Variants in NPVF observed in about 807,000 individuals in gnomAD.
NPVF encodes the protein pro-FMRFamide-related neuropeptide VF.
A neutral mutation model predicts 15.7 loss-of-function variants in NPVF; 17 were observed. That is an observed-to-expected ratio of 1.08 (90% CI 0.74 to 1.62). The LOEUF (loss-of-function observed/expected upper bound fraction) is 1.62, where lower values mean the gene tolerates loss of function less well. Among genes scored for constraint, NPVF ranks in the 40% most tolerant of loss-of-function variants. NPVF has a pLI of 0.00. For synonymous variants in NPVF, 70 were observed against 80.1 expected, an observed-to-expected ratio of 0.87 and a Z score of 0.67; for missense variants, 270 against 225.2, an observed-to-expected ratio of 1.20 and a Z score of -1.27.
chr7:25,226,057 C>T (rs984835032), intron 2 of NPVF, among the ~76,000 whole-genome samples: 4 of 152,086 alleles, frequency 2.6e-5, no homozygotes, highest in East Asian at 1.9e-4. Context: ...TTTAAGCATA[C>T]GCTCTCTACT....
chr7:25,226,751 TTTGGCTG>T lies in NPVF; in HGVS notation c.407_413del (p.Thr136LysfsTer7). The T allele has an allele frequency of 6.2e-7, 1 of 1,614,172 alleles. No individual in the cohort carries two copies. The highest frequency in any genetic ancestry group is 8.5e-7 in the Non-Finnish European group (1 of 1,180,028). On this transcript the variant is annotated frameshift_variant, in exon 2 of 3. Coordinates refer to ENST00000222674, the MANE Select transcript of NPVF (RefSeq NM_022150.3). LOFTEE classifies it high-confidence loss of function. Reference sequence around the variant, plus strand: ...AATCACTCAGCATCCTGCAGACACTTTTGGCTGTTGTTGTTCTCCCAAACCTTTGGGG... The same window carrying T: ...AATCACTCAGCATCCTGCAGACACTTTTGTTGTTCTCCCAAACCTTTGGGG...
At chr7:25,227,722 T>C (rs1352065902) in intron 1 of NPVF, among the ~76,000 whole-genome samples, 2 of 152,252 alleles carry the variant, frequency 1.3e-5, no homozygotes, top group Non-Finnish European at 2.9e-5. Context: ...ATTTAGTCTT[T>C]ACCATAGGAG....
Position 25,226,643 on chromosome 7 carries a change from GGGATTCT to G in NPVF, c.515_521del (p.Gln172ProfsTer14), listed in dbSNP as rs1324869098. ...GTATTTACCTTGACTGTTTTTGATC[GGGATTCT>G]GGATTTCTTGGTGCTGGCAGGTCAT... On this transcript the variant is annotated frameshift_variant, in exon 2 of 3. Transcript: ENST00000222674. LOFTEE classifies it high-confidence loss of function. The G allele has an allele frequency of 6.2e-7, 1 of 1,613,340 alleles. No homozygotes were observed. Among genetic ancestry groups the G allele is most frequent in the Non-Finnish European group, 8.5e-7 (1 of 1,179,516 alleles).
In NPVF at chr7:25,226,833, C is replaced by G; in HGVS notation, c.332G>C (p.Arg111Thr). Residue 111 changes from arginine (R) to threonine (T), a missense_variant, in exon 2 of 3, where the codon AGA (arginine) becomes ACA (threonine). By Grantham distance (71) the Arg-to-Thr change is moderately conservative. Transcript: ENST00000222674. The stretch of plus-strand genomic sequence containing the variant: ...GCTCACCTCCATATTTCTTCCAGAT[C>G]TCAGAGGCAGGTTGGCTGTTGCTCC... ...SAGATANLPLRSGRNMEVSLV... is the reference protein window; with the variant it reads ...SAGATANLPLTSGRNMEVSLV... 2.5e-6 allele frequency: 4 copies of G among 1,614,192 alleles called. No individual in the cohort carries two copies. The highest frequency in any genetic ancestry group is 3.4e-6 in the Non-Finnish European group (4 of 1,180,030).
Position 25,227,015 on chromosome 7 carries a change from G to T in NPVF, c.150C>A (p.Tyr50Ter), listed in dbSNP as rs1481106091. 1.2e-6 allele frequency: 2 copies of T among 1,612,300 alleles called. No homozygotes were observed. Among genetic ancestry groups the T allele is most frequent in the South Asian group, 1.1e-5 (1 of 90,878 alleles). Residue 50 changes from tyrosine (Y) to a stop codon, truncating the protein, a stop_gained, in exon 2 of 3, where the codon TAC (tyrosine) becomes TAA (stop). Transcript: ENST00000222674. LOFTEE classifies it high-confidence loss of function. ...NYDKYSEPRG[Y>*]PKGERSLNFE... is the part of the protein sequence containing the mutation. Reference sequence around the variant, plus strand: ...AATTGAGGCTTCTTTCCCCTTTTGGGTATCCTCTAGGCTATAATTAGAAAT... The same window carrying T: ...AATTGAGGCTTCTTTCCCCTTTTGGTTATCCTCTAGGCTATAATTAGAAAT...
intron 1 of NPVF, among the ~76,000 whole-genome samples, chr7:25,228,071 A>G (rs894573643): frequency 5.3e-5 from 8 of 152,224 alleles, no homozygotes; most frequent in South Asian, 2.1e-4. Context: ...AATGCGCTGT[A>G]TGCTTGCTAA....
intron 1 of NPVF, among the ~76,000 whole-genome samples, chr7:25,228,101 A>C (rs1783153703): frequency 6.6e-6 from 1 of 152,198 alleles, no homozygotes; most frequent in South Asian, 2.1e-4. Flanking sequence ...TCACCAGTAC[A>C]ATTGTCATGA....
At position 25,228,398 on chromosome 7, in the gene NPVF, TA is replaced by T; in HGVS notation, c.41del (p.Leu14Ter). ...TTGATGTTAACAAGCTTGAAGTGGC[TA>T]AAGTCAATAAAATGAATAGTTTTGA... ...ISSKLFILLT[L>X]ATSSLLTSNI... On this transcript the variant is annotated frameshift_variant, in exon 1 of 3. Coordinates refer to ENST00000222674, the MANE Select transcript of NPVF (RefSeq NM_022150.3). LOFTEE classifies it high-confidence loss of function. 1 of 1,585,272 alleles carries T rather than the reference TA, an allele frequency of 6.3e-7. No individual in the cohort carries two copies.
intron 2 of NPVF, among the ~76,000 whole-genome samples, chr7:25,225,386 G>A (rs41275979): frequency 0.024 from 3,656 of 152,140 alleles, 59 homozygotes; most frequent in Non-Finnish European, 0.036. Context: ...CCTCCACACC[G>A]CCCCACTCCC....
Position 25,227,040 on chromosome 7 carries a change from T to C in NPVF, c.139-14A>G, listed in dbSNP as rs1783139932. On this transcript the variant is annotated splice_polypyrimidine_tract_variant and intron_variant, in intron 1 of 2. Coordinates refer to ENST00000222674, the MANE Select transcript of NPVF (RefSeq NM_022150.3). ...GTATCCTCTAGGCTATAATTAGAAATGACCATTACAATAACATACTGTTGT... is the reference window on the plus strand; with the variant it reads ...GTATCCTCTAGGCTATAATTAGAAACGACCATTACAATAACATACTGTTGT... 1.9e-6 allele frequency: 3 copies of C among 1,591,054 alleles called. No homozygotes were observed. Among genetic ancestry groups the C allele is most frequent in the South Asian group, 1.1e-5 (1 of 88,068 alleles).
In NPVF at chr7:25,224,974, G is replaced by T; in HGVS notation, c.*148C>A. 2 of 543,186 alleles carry T rather than the reference G, an allele frequency of 3.7e-6. No homozygotes were observed. Among genetic ancestry groups the T allele is most frequent in the East Asian group, 3.2e-5 (1 of 31,552 alleles). The allele number at this position is 543,186 out of a possible 1,614,324, so 33.6% of individuals were successfully genotyped here. A position where few individuals can be genotyped will look rare whatever the true frequency, so the allele number is the denominator to read the frequency against. ...GCTTTAATTTTTTTACAACTTTCAA[G>T]ATACTATTATAGCTGTACTGACAAG... is the stretch of plus-strand genomic sequence containing the variant. On this transcript the variant is annotated 3_prime_UTR_variant, in exon 3 of 3. Coordinates refer to ENST00000222674, the MANE Select transcript of NPVF (RefSeq NM_022150.3).
chr7:25,226,987 C>G lies in NPVF; in HGVS notation c.178G>C (p.Glu60Gln). Residue 60 changes from glutamate (E) to glutamine (Q), a missense_variant, in exon 2 of 3, where the codon GAG becomes CAG. By Grantham distance (29) the Glu-to-Gln change is conservative (BLOSUM62 2). Coordinates refer to ENST00000222674, the MANE Select transcript of NPVF (RefSeq NM_022150.3). Reference protein sequence around the residue: ...YPKGERSLNFEELKDWGPKNV... With the variant: ...YPKGERSLNFQELKDWGPKNV... ...TTTGGTCCCCAATCTTTTAATTCCT[C>G]AAAATTGAGGCTTCTTTCCCCTTTT... 2 of 1,613,722 alleles carry G rather than the reference C, an allele frequency of 1.2e-6. No homozygotes were observed. The highest frequency in any genetic ancestry group is 1.7e-6 in the Non-Finnish European group (2 of 1,179,814).
Position 25,228,451 on chromosome 7 carries a change from C to A in NPVF, c.-12G>T, listed in dbSNP as rs374226458. 27 of 1,573,450 alleles carry A rather than the reference C, an allele frequency of 1.7e-5. No homozygotes were observed. Among genetic ancestry groups the A allele is most frequent in the African/African-American group, 6.8e-5 (5 of 73,488 alleles). ...GAAATAATTTCCATTTTGTCTAAAT[C>A]TAAAATTAAGTCTCTATGTGCAGCC... On this transcript the variant is annotated 5_prime_UTR_variant, in exon 1 of 3. Coordinates refer to ENST00000222674, the MANE Select transcript of NPVF (RefSeq NM_022150.3).
rs537152473 is a variant in NPVF at position 25,226,798 on chromosome 7, G to C, written c.367C>G (p.Arg123Gly). 1 of 1,614,120 alleles carries C rather than the reference G, an allele frequency of 6.2e-7. No homozygotes were observed. The highest frequency in any genetic ancestry group is 8.5e-7 in the Non-Finnish European group (1 of 1,179,986). Reference protein sequence around the residue: ...GRNMEVSLVRRVPNLPQRFGR... With the variant: ...GRNMEVSLVRGVPNLPQRFGR... Reference sequence around the variant, plus strand: ...AACCTTTGGGGCAGGTTAGGAACACGTCTCACGAGGCTCACCTCCATATTT... The same window carrying C: ...AACCTTTGGGGCAGGTTAGGAACACCTCTCACGAGGCTCACCTCCATATTT... The change falls in exon 2 of 3, where the codon CGT becomes GGT. Residue 123 changes from arginine to glycine, a missense_variant. Transcript: ENST00000222674.
In NPVF at chr7:25,226,851, G is replaced by C; in HGVS notation, c.314C>G (p.Thr105Arg). The change falls in exon 2 of 3, where the codon ACA becomes AGA. Residue 105 changes from threonine to arginine, a missense_variant. Physicochemically the swap from Thr to Arg is moderately conservative, Grantham distance 71. Transcript: ENST00000222674. ...TCCAGATCTCAGAGGCAGGTTGGCT[G>C]TTGCTCCAGCACTTCTTTCTTCTTG... ...NVQEERSAGA[T>R]ANLPLRSGRN... 1.2e-6 allele frequency: 2 copies of C among 1,614,206 alleles called. No homozygotes were observed. The highest frequency in any genetic ancestry group is 1.7e-6 in the Non-Finnish European group (2 of 1,180,024).
chr7:25,226,933 C>T lies in NPVF; in HGVS notation c.232G>A (p.Val78Ile). 1 of 1,612,558 alleles carries T rather than the reference C, an allele frequency of 6.2e-7. No individual in the cohort carries two copies. Among genetic ancestry groups the T allele is most frequent in the Non-Finnish European group, 8.5e-7 (1 of 1,179,658 alleles). The change falls in exon 2 of 3, where the codon GTC becomes ATC. Residue 78 changes from valine (V) to isoleucine (I), a missense_variant. Coordinates refer to ENST00000222674, the MANE Select transcript of NPVF (RefSeq NM_022150.3). ...GCGAAGGAGTGTGGCATTTTATTGA[C>T]TGCAGGTGTACTCATCTTAATAACA... ...KNVIKMSTPA[V>I]NKMPHSFANL...
At chr7:25,226,058 G>T (rs1396092397) in intron 2 of NPVF, among the ~76,000 whole-genome samples, 2 of 151,950 alleles carry the variant, frequency 1.3e-5, no homozygotes, top group Non-Finnish European at 2.9e-5. Context: ...TTAAGCATAC[G>T]CTCTCTACTA....
At chr7:25,227,990 A>C (rs1402967160) in intron 1 of NPVF, among the ~76,000 whole-genome samples, 1 of 152,206 alleles carries the variant, frequency 6.6e-6, no homozygotes, top group African/African-American at 2.4e-5. Context: ...GTCCAGCTGA[A>C]ATGTACCCAA....
In NPVF at chr7:25,225,120, T is replaced by C; in HGVS notation, c.*2A>G. The C allele has an allele frequency of 1.2e-6, 2 of 1,613,078 alleles. No individual in the cohort carries two copies. Among genetic ancestry groups the C allele is most frequent in the Non-Finnish European group, 1.7e-6 (2 of 1,179,476 alleles). On this transcript the variant is annotated 3_prime_UTR_variant, in exon 3 of 3. Transcript: ENST00000222674. The stretch of plus-strand genomic sequence containing the variant: ...CAGCTTTAGGGACAGGCTCCAGGTT[T>C]CTTATTTTTCTTGTTTCAATTCTGC...
Sources: gnomAD v4.1 joint callset for allele counts (sites outside exome capture counted in the v4.1 genomes callset) on GRCh38, gnomAD v4.1.1 for gene constraint, MANE v1.5 for transcripts, NCBI Gene and HGNC (gene_info 2026-07-23, HGNC 2026-07-21) for gene names.